FIGNL2: variants seen among roughly 807,000 people sequenced by gnomAD.
FIGNL2 encodes fidgetin like 2, also known as fidgetin-like protein 2.
For synonymous variants in FIGNL2, 565 were observed against 484.0 expected, an observed-to-expected ratio of 1.17 and a Z score of -2.20; for missense variants, 1,060 against 950.2, an observed-to-expected ratio of 1.12 and a Z score of -1.52.
intron 1 of FIGNL2, chr12:51,825,765 C>T (rs931010651): frequency 1.3e-5 from 2 of 151,800 alleles, no homozygotes; most frequent in Non-Finnish European, 2.9e-5. Context: ...TACAGGCGCC[C>T]GCTACCACGC....
chr12:51,833,427 A>G (rs576446219), intron 1 of FIGNL2, among the ~76,000 whole-genome samples: 1 of 152,288 alleles, frequency 6.6e-6, no homozygotes, highest in South Asian at 2.1e-4. Flanking sequence ...AACTCTTGAA[A>G]GCATGTTCCA....
Position 51,822,214 on chromosome 12 carries a change from T to A in FIGNL2, c.200A>T (p.Tyr67Phe). ...SNLLKRYAEK[Y>F]SGVLDSPYER... ...GTAGGGAGAATCCAAGACCCCAGAG[T>A]ACTTCTCTGCATAGCGCTTTAGGAG... The change falls in exon 2 of 2, where the codon TAC becomes TTC. Residue 67 changes from tyrosine (Y) to phenylalanine (F), a missense_variant. Tyr to Phe is a conservative substitution (Grantham distance 22). Transcript: ENST00000618634. 1 of 1,611,634 alleles carries A rather than the reference T, an allele frequency of 6.2e-7. No homozygotes were observed. Among genetic ancestry groups the A allele is most frequent in the Non-Finnish European group, 8.5e-7 (1 of 1,178,996 alleles).
In FIGNL2 at chr12:51,821,029, G is replaced by A. The variant is rs1939166582; in HGVS notation, c.1385C>T (p.Ala462Val). Reference protein sequence around the residue: ...TLLRLRGATLAAPGAAEGARL... With the variant: ...TLLRLRGATLVAPGAAEGARL... ...CGCGCCCTCGGCGGCGCCGGGCGCAGCCAGGGTCGCGCCGCGCAGGCGCAA... is the reference window on the plus strand; with the variant it reads ...CGCGCCCTCGGCGGCGCCGGGCGCAACCAGGGTCGCGCCGCGCAGGCGCAA... Residue 462 changes from alanine (A) to valine (V), a missense_variant, in exon 2 of 2, where the codon GCT (alanine) becomes GTT (valine). Coordinates refer to ENST00000618634, the MANE Select transcript of FIGNL2 (RefSeq NM_001384995.1). The A allele has an allele frequency of 2.8e-5, 33 of 1,180,248 alleles. No individual in the cohort carries two copies. Among genetic ancestry groups the A allele is most frequent in the Non-Finnish European group, 3.4e-5 (33 of 956,868 alleles). The allele number at this position is 1,180,248 out of a possible 1,614,324, so 73.1% of individuals were successfully genotyped here.
At chr12:51,826,473 CAAAA>C (rs34534453) in intron 1 of FIGNL2, among the ~76,000 whole-genome samples, 1 of 131,918 alleles carries the variant, frequency 7.6e-6, no homozygotes, top group African/African-American at 3.0e-5. Context: ...ACTAAAAATA[CAAAA>C]AAAAAAAAAA....
Position 51,820,330 on chromosome 12 carries a change from G to T in FIGNL2, c.*122C>A. On this transcript the variant is annotated 3_prime_UTR_variant, in exon 2 of 2. Coordinates refer to ENST00000618634, the MANE Select transcript of FIGNL2 (RefSeq NM_001384995.1). Reference sequence around the variant, plus strand: ...AAATATCCACCGGCAGACCCCTCCTGTCCCCGATCCCACATTCACCACTCC... The same window carrying T: ...AAATATCCACCGGCAGACCCCTCCTTTCCCCGATCCCACATTCACCACTCC... The T allele has an allele frequency of 7.7e-7, 1 of 1,305,634 alleles. No homozygotes were observed. Among genetic ancestry groups the T allele is most frequent in the South Asian group, 1.4e-5 (1 of 69,710 alleles). 80.9% of individuals were successfully genotyped at this position (1,305,634 alleles called of 1,614,324 possible). A position where few individuals can be genotyped will look rare whatever the true frequency, so the allele number is the denominator to read the frequency against.
chr12:51,830,544 T>A (rs558919422), intron 1 of FIGNL2, among the ~76,000 whole-genome samples: 1 of 144,336 alleles, frequency 6.9e-6, no homozygotes, highest in South Asian at 2.3e-4. Context: ...TGGGCTGGAG[T>A]GCAGTGGTGC....
At chr12:51,824,904 C>T (rs11830963) in intron 1 of FIGNL2, among the ~76,000 whole-genome samples, 31,179 of 151,918 alleles carry the variant, frequency 0.21, 4,149 homozygotes, top group East Asian at 0.4. Flanking sequence ...ATTAGCCGGG[C>T]GTAGTGGCGG....
intron 1 of FIGNL2, chr12:51,838,099 T>TG (rs1183311895): frequency 6.6e-6 from 1 of 152,330 alleles, no homozygotes; most frequent in Non-Finnish European, 1.5e-5. Flanking sequence ...AGCGAGTCTT[T>TG]GGGGCTGGGA....
intron 1 of FIGNL2, chr12:51,848,075 CA>C: frequency 2.2e-6 from 2 of 921,790 alleles, no homozygotes; most frequent in Non-Finnish European, 2.6e-6. Context: ...ACCCAGCCCC[CA>C]CCCCTCCCAC....
intron 1 of FIGNL2, chr12:51,835,581 A>G (rs79496381): frequency 6.6e-6 from 1 of 152,232 alleles, no homozygotes; most frequent in Admixed American, 6.5e-5. Flanking sequence ...AAATTTGCAG[A>G]CATTAAAATT....
Position 51,821,473 on chromosome 12 carries a change from G to T in FIGNL2, c.941C>A (p.Pro314Gln). Residue 314 changes from proline (P) to glutamine (Q), a missense_variant, in exon 2 of 2, where the codon CCA (proline) becomes CAA (glutamine). Coordinates refer to ENST00000618634, the MANE Select transcript of FIGNL2 (RefSeq NM_001384995.1). ...CRGNGFRAKP[P>Q]GAAEEASGKY... Reference sequence around the variant, plus strand: ...GCCCGACGCCTCCTCCGCGGCTCCTGGCGGCTTGGCCCGGAACCCGTTGCC... The same window carrying T: ...GCCCGACGCCTCCTCCGCGGCTCCTTGCGGCTTGGCCCGGAACCCGTTGCC... 1 of 1,547,444 alleles carries T rather than the reference G, an allele frequency of 6.5e-7. No individual in the cohort carries two copies.
In FIGNL2 at chr12:51,820,218, T is replaced by C. The variant is rs568663000; in HGVS notation, c.*234A>G. The C allele has an allele frequency of 2.1e-4, 113 of 551,092 alleles. No individual in the cohort carries two copies. In the South Asian group the frequency reaches 2.4e-3, roughly 12 times the overall value. The allele number at this position is 551,092 out of a possible 1,614,324, so 34.1% of individuals were successfully genotyped here. On this transcript the variant is annotated 3_prime_UTR_variant, in exon 2 of 2. Coordinates refer to ENST00000618634, the MANE Select transcript of FIGNL2 (RefSeq NM_001384995.1). ...GTCTGCCGGGCGGAGATGGCGAGCT[T>C]CCAGTCCACAATAAATAGGAAAAAC... is the stretch of plus-strand genomic sequence containing the variant.
intron 1 of FIGNL2, among the ~76,000 whole-genome samples, chr12:51,829,097 C>G (rs911408653): frequency 6.6e-5 from 10 of 152,344 alleles, no homozygotes; most frequent in Non-Finnish European, 1.3e-4. Flanking sequence ...TGAGTCGGCT[C>G]CAGGCCGGTG....
Position 51,821,914 on chromosome 12 carries a change from A to C in FIGNL2, c.500T>G (p.Leu167Arg). 2 of 1,481,212 alleles carry C rather than the reference A, an allele frequency of 1.4e-6. No individual in the cohort carries two copies. The highest frequency in any genetic ancestry group is 2.7e-5 in the South Asian group (2 of 75,456). 91.8% of individuals were successfully genotyped at this position (1,481,212 alleles called of 1,614,324 possible). The change falls in exon 2 of 2, where the codon CTG becomes CGG. Residue 167 changes from leucine (L) to arginine (R), a missense_variant. Transcript: ENST00000618634. Reference protein sequence around the residue: ...EYAAGYGGGYLAPGYCAQTGA... With the variant: ...EYAAGYGGGYRAPGYCAQTGA... ...CGTCTGCGCGCAGTAACCCGGCGCC[A>C]GGTACCCCCCGCCGTAGCCGGCCGC...
At position 51,822,179 on chromosome 12, in the gene FIGNL2, C is replaced by G. The variant is rs1398251226; in HGVS notation, c.235G>C (p.Ala79Pro). The change falls in exon 2 of 2, where the codon GCC (alanine) becomes CCC (proline). Residue 79 changes from alanine (A) to proline (P), a missense_variant. Coordinates refer to ENST00000618634, the MANE Select transcript of FIGNL2 (RefSeq NM_001384995.1). ...GVLDSPYERPALGGYSDASFL... is the reference protein window; with the variant it reads ...GVLDSPYERPPLGGYSDASFL... ...GAGGCGTCGCTGTACCCGCCCAGGG[C>G]CGGACGCTCGTAGGGAGAATCCAAG... is the stretch of plus-strand genomic sequence containing the variant. 2 of 1,611,608 alleles carry G rather than the reference C, an allele frequency of 1.2e-6. No homozygotes were observed. The highest frequency in any genetic ancestry group is 1.3e-5 in the African/African-American group (1 of 74,898).
intron 1 of FIGNL2, among the ~76,000 whole-genome samples, chr12:51,825,349 G>A (rs1939316509): frequency 6.6e-6 from 1 of 152,082 alleles, no homozygotes; most frequent in African/African-American, 2.4e-5. Flanking sequence ...TGTCAGTGAT[G>A]TCCCTCATTG....
chr12:51,818,447 CA>C lies in FIGNL2; in HGVS notation c.*2004del, dbSNP rs1399083870. 1 of 151,892 alleles carries C rather than the reference CA, an allele frequency of 6.6e-6. No homozygotes were observed. Among genetic ancestry groups the C allele is most frequent in the South Asian group, 2.1e-4 (1 of 4,792 alleles). The allele number at this position is 151,892 out of a possible 1,614,324, so 9.4% of individuals were successfully genotyped here. On this transcript the variant is annotated 3_prime_UTR_variant, in exon 2 of 2. Coordinates refer to ENST00000618634, the MANE Select transcript of FIGNL2 (RefSeq NM_001384995.1). ...CCATGCTCCCTCCGAGGGTCTTTTG[CA>C]GCCTGCGGCTGTGACCCGGCAGCCC... is the stretch of plus-strand genomic sequence containing the variant.
chr12:51,847,546 C>A (rs192465984), intron 1 of FIGNL2: 1 of 985,322 alleles, frequency 1.0e-6, no homozygotes, highest in African/African-American at 1.7e-5. Flanking sequence ...ATTTAGTGAC[C>A]GTCCCTTTAA....
chr12:51,844,331 C>A (rs1252669377), intron 1 of FIGNL2, among the ~76,000 whole-genome samples: 1 of 152,212 alleles, frequency 6.6e-6, no homozygotes, highest in African/African-American at 2.4e-5. Context: ...AGAACCCCCA[C>A]TCTGCCTCCA....
Sources: gnomAD v4.1 joint callset for allele counts (sites outside exome capture counted in the v4.1 genomes callset) on GRCh38, gnomAD v4.1.1 for gene constraint, MANE v1.5 for transcripts, NCBI Gene and HGNC (gene_info 2026-07-23, HGNC 2026-07-21) for gene names.